Variants in GYG2 observed in about 807,000 individuals in gnomAD.
GYG2 encodes glycogenin-2.
A neutral mutation model predicts 29.4 loss-of-function variants in GYG2; 29 were observed. The observed-to-expected ratio is 0.99, with a 90% CI of 0.74 to 1.35. The LOEUF (loss-of-function observed/expected upper bound fraction) is 1.35. GYG2 is among the 40% of genes most tolerant of loss of function. The pLI, the probability that GYG2 is intolerant of heterozygous loss-of-function variation, is 0.00. For synonymous variants in GYG2, 167 were observed against 172.3 expected (o/e 0.97, Z 0.24); for missense variants, 370 against 385.7 (o/e 0.96, Z 0.34).
chrX:2,858,984 G>A (rs2088089585), intron 6 of GYG2, among the ~76,000 whole-genome samples: 1 of 111,200 alleles, frequency 9.0e-6, no homozygotes, highest in Non-Finnish European at 1.9e-5. Context: ...TGTACTTCAC[G>A]TTTTTACAAA....
intron 8 of GYG2, among the ~76,000 whole-genome samples, chrX:2,864,877 C>G (rs1025881770): frequency 9.1e-6 from 1 of 110,341 alleles, no homozygotes; most frequent in African/African-American, 3.3e-5. Context: ...ATTCTCCTGC[C>G]TCAGCCTCCT....
intron 8 of GYG2, among the ~76,000 whole-genome samples, chrX:2,870,220 G>C (rs2088431025): frequency 9.6e-6 from 1 of 104,056 alleles, no homozygotes; most frequent in Non-Finnish European, 2.0e-5. Context: ...TTATTTTTTT[G>C]AGACAGAGAC....
At position 2,854,225 on chromosome X, in the gene GYG2, CT is replaced by C. The variant is rs1175617787; in HGVS notation, c.324+79del. On this transcript the variant is annotated intron_variant, in intron 4 of 10. Transcript: ENST00000398806. Reference sequence around the variant, plus strand: ...TCTCTATCCTTAAGCAGGCTGTCAACTTTTTTTTGTGTGTGTGTGACACAGT... The same window carrying C: ...TCTCTATCCTTAAGCAGGCTGTCAACTTTTTTTGTGTGTGTGTGACACAGT... 2.9e-4 allele frequency: 213 copies of C among 746,085 alleles called. No individual in the cohort carries two copies. In the African/African-American group the frequency reaches 3.3e-3, roughly 11 times the overall value. The allele number at this position is 746,085 out of a possible 1,213,427, so 61.5% of individuals were successfully genotyped here.
chrX:2,867,553 G>A (rs748908811), intron 8 of GYG2, among the ~76,000 whole-genome samples: 2 of 111,445 alleles, frequency 1.8e-5, no homozygotes, highest in East Asian at 2.8e-4. Flanking sequence ...AGTTACAGCC[G>A]GAGGGGGGAC....
At chrX:2,866,476 C>T (rs5982905) in intron 8 of GYG2, among the ~76,000 whole-genome samples, 3,569 of 111,299 alleles carry the variant, frequency 0.032, 162 homozygotes, top group African/African-American at 0.11. Flanking sequence ...GCCTGGGCAG[C>T]AGAACAAGAC....
chrX:2,832,810 C>T (rs1173924894), intron 2 of GYG2, among the ~76,000 whole-genome samples: 1 of 112,352 alleles, frequency 8.9e-6, no homozygotes, highest in Non-Finnish European at 1.9e-5. Flanking sequence ...GTTGGGATTA[C>T]AGGCGTGAGC....
chrX:2,859,426 GATT>G (rs1289217543), intron 6 of GYG2, among the ~76,000 whole-genome samples: 3 of 110,621 alleles, frequency 2.7e-5, no homozygotes, highest in Non-Finnish European at 5.7e-5. Flanking sequence ...GATAGTGGTA[GATT>G]ATTATTGATT....
chrX:2,844,198 A>G (rs2087570549), intron 3 of GYG2, among the ~76,000 whole-genome samples: 1 of 112,396 alleles, frequency 8.9e-6, no homozygotes, highest in Non-Finnish European at 1.9e-5. Context: ...TGACAATGAA[A>G]TAATAAATCC....
At position 2,860,065 on chromosome X, in the gene GYG2, A is replaced by G. The variant is rs778453159; in HGVS notation, c.837A>G (p.Thr279=). 46 of 1,117,902 alleles carry G rather than the reference A, an allele frequency of 4.1e-5. 1 individual carries two copies. In the East Asian group the frequency reaches 1.4e-3, roughly 35 times the overall value. 92.1% of individuals were successfully genotyped at this position (1,117,902 alleles called of 1,213,427 possible). The change falls in exon 7 of 11, where the codon ACA becomes ACG. Residue 279 remains threonine (T), a splice_region_variant and synonymous_variant. Transcript: ENST00000398806. The part of the protein sequence containing the change: ...AGEARASPGH[T]LCHSDVGGPC... The stretch of plus-strand genomic sequence containing the variant: ...AAGCACGCGCGTCTCCTGGTCACAC[A>G]GTAAGTGGGGGATTCCCTTAAAACC...
At chrX:2,867,494 G>T (rs2147244581) in intron 8 of GYG2, among the ~76,000 whole-genome samples, 1 of 111,661 alleles carries the variant, frequency 9.0e-6, no homozygotes, top group Admixed American at 9.5e-5. Context: ...GCGTGAAGGG[G>T]AGGCAGGGAG....
chrX:2,860,643 CTTTTTTTTTT>C (rs140288633), intron 7 of GYG2, among the ~76,000 whole-genome samples: 3 of 80,424 alleles, frequency 3.7e-5, no homozygotes, highest in African/African-American at 1.4e-4. Flanking sequence ...AAAACTTGAG[CTTTTTTTTTT>C]TTTTTTTTTT....
chrX:2,877,912 G>T, intron 10 of GYG2: 3 of 748,855 alleles, frequency 4.0e-6, no homozygotes, highest in South Asian at 6.8e-5. Context: ...GGTCTAGACT[G>T]AAAGTTGGTA....
chrX:2,840,756 TGATA>T (rs201378560), intron 2 of GYG2, among the ~76,000 whole-genome samples: 1,588 of 110,439 alleles, frequency 0.014, 33 homozygotes, highest in African/African-American at 0.049. Context: ...GGATGATAGA[TGATA>T]GATATATAGA....
chrX:2,850,530 A>G (rs1217494447), intron 3 of GYG2, among the ~76,000 whole-genome samples: 1 of 111,569 alleles, frequency 9.0e-6, no homozygotes. Context: ...CACTGATGTC[A>G]GGCCTCTGAG....
chrX:2,851,552 G>A (rs2087873903), intron 3 of GYG2, among the ~76,000 whole-genome samples: 1 of 111,431 alleles, frequency 9.0e-6, no homozygotes, highest in South Asian at 3.7e-4. Flanking sequence ...CCTTCAGTTT[G>A]GTTTTGTCCA....
chrX:2,877,360 C>T (rs2088626665), intron 10 of GYG2, 53 bp downstream of exon 10: 2 of 1,193,605 alleles, frequency 1.7e-6, no homozygotes, highest in Admixed American at 2.3e-5. Flanking sequence ...GGCCATCCAC[C>T]GTCACTGAGG....
chrX:2,861,424 G>C lies in GYG2; in HGVS notation c.838-98G>C, dbSNP rs766053349. 38 of 592,743 alleles carry C rather than the reference G, an allele frequency of 6.4e-5. No individual in the cohort carries two copies. In the Admixed American group the frequency reaches 1.0e-3, roughly 16 times the overall value. The allele number at this position is 592,743 out of a possible 1,213,427, so 48.8% of individuals were successfully genotyped here. On this transcript the variant is annotated intron_variant, in intron 7 of 10. Coordinates refer to ENST00000398806, the MANE Select transcript of GYG2 (RefSeq NM_001079855.2). ...TTTAATGATTGGCAGATGGGAGCTG[G>C]GAGCCCTGGCTACACAGGGCCCCAC...
In GYG2 at chrX:2,861,711, C is replaced by G; in HGVS notation, c.1027C>G (p.Arg343Gly). 8.5e-7 allele frequency: 1 copy of G among 1,178,817 alleles called. No homozygotes were observed. Among genetic ancestry groups the G allele is most frequent in the Middle Eastern group, 2.3e-4 (1 of 4,281 alleles). The change falls in exon 8 of 11, where the codon CGT becomes GGT. Residue 343 changes from arginine (R) to glycine (G), a missense_variant. Arg to Gly is a moderately radical substitution (Grantham distance 125, BLOSUM62 -2). Coordinates refer to ENST00000398806, the MANE Select transcript of GYG2 (RefSeq NM_001079855.2). ...DETLSLPEGR[R>G]SEDMIACPET... ...GACCCTGTCCCTACCTGAAGGACGC[C>G]GTTCAGAAGATGTAAGTACCTGCAT... is the stretch of plus-strand genomic sequence containing the variant.
At chrX:2,879,955 TAGATAGATG>T (rs1454163187) in intron 10 of GYG2, among the ~76,000 whole-genome samples, 9 of 110,952 alleles carry the variant, frequency 8.1e-5, no homozygotes, top group Non-Finnish European at 7.6e-5. Context: ...AGAACATAGG[TAGATAGATG>T]AGATAGATGA....
Sources: allele counts gnomAD v4.1 joint callset (sites outside exome capture counted in the v4.1 genomes callset), GRCh38; gene constraint gnomAD v4.1.1; transcripts MANE v1.5; gene names NCBI Gene and HGNC (gene_info 2026-07-23, HGNC 2026-07-21).